Variants in ZFPM2 observed in about 807,000 individuals in gnomAD.
ZFPM2 encodes the protein zinc finger protein, FOG family member 2.
Under a neutral mutation model 98.6 loss-of-function variants are expected in ZFPM2, and 20 were observed. That is an observed-to-expected ratio of 0.20 (90% CI 0.14 to 0.29). ZFPM2 has a LOEUF of 0.29. ZFPM2 is among the 10% of genes least tolerant of loss of function. ZFPM2 has a pLI of 1.00. For synonymous variants in ZFPM2, 518 were observed against 502.7 expected, an observed-to-expected ratio of 1.03 and a Z score of -0.41; for missense variants, 1,310 against 1,388.6, an observed-to-expected ratio of 0.94 and a Z score of 0.90.
chr8:105,617,404 A>G (rs1177736657), intron 4 of ZFPM2, among the ~76,000 whole-genome samples: 1 of 152,134 alleles, frequency 6.6e-6, no homozygotes, highest in Non-Finnish European at 1.5e-5. Flanking sequence ...ACACCAATCT[A>G]ATCTGAGGAA....
chr8:105,507,953 A>G (rs1813737622), intron 3 of ZFPM2, among the ~76,000 whole-genome samples: 3 of 152,184 alleles, frequency 2.0e-5, no homozygotes. Flanking sequence ...AACAAGGTAT[A>G]AATAAAATTT....
intron 4 of ZFPM2, among the ~76,000 whole-genome samples, chr8:105,592,670 G>C (rs544194790): frequency 1.6e-4 from 25 of 152,140 alleles, no homozygotes; most frequent in African/African-American, 5.8e-4. Context: ...TGAAAGAGGA[G>C]GAAGATGTCT....
intron 1 of ZFPM2, among the ~76,000 whole-genome samples, chr8:105,388,171 G>A (rs1811039212): frequency 6.6e-6 from 1 of 152,162 alleles, no homozygotes; most frequent in African/African-American, 2.4e-5. Context: ...AATATTGCAT[G>A]CCAAAATATG....
At chr8:105,572,474 T>TC (rs1258300945) in intron 4 of ZFPM2, among the ~76,000 whole-genome samples, 1 of 152,140 alleles carries the variant, frequency 6.6e-6, no homozygotes, top group Non-Finnish European at 1.5e-5. Context: ...TTAAAGTTGT[T>TC]CTTTTTTTTT....
chr8:105,354,778 C>A (rs1205169239), intron 1 of ZFPM2, among the ~76,000 whole-genome samples: 1 of 151,918 alleles, frequency 6.6e-6, no homozygotes, highest in Non-Finnish European at 1.5e-5. Flanking sequence ...CATGGTGAAA[C>A]CCTGTCTCTA....
intron 4 of ZFPM2, among the ~76,000 whole-genome samples, chr8:105,598,753 A>G (rs1354853490): frequency 2.0e-5 from 3 of 152,136 alleles, no homozygotes; most frequent in Admixed American, 1.3e-4. Context: ...AAAGATAATG[A>G]AGTCCTTTCA....
At chr8:105,649,942 T>A (rs1313274672) in intron 5 of ZFPM2, among the ~76,000 whole-genome samples, 1 of 152,214 alleles carries the variant, frequency 6.6e-6, no homozygotes, top group Non-Finnish European at 1.5e-5. Context: ...ATTGGAATAG[T>A]TTCAGAAAGA....
chr8:105,357,132 A>G (rs1403065706), intron 1 of ZFPM2, among the ~76,000 whole-genome samples: 1 of 152,142 alleles, frequency 6.6e-6, no homozygotes, highest in East Asian at 1.9e-4. Flanking sequence ...CCCAGCACAC[A>G]CACGTGAGTC....
At chr8:105,554,085 T>C (rs1814928057) in intron 3 of ZFPM2, among the ~76,000 whole-genome samples, 1 of 152,228 alleles carries the variant, frequency 6.6e-6, no homozygotes, top group Non-Finnish European at 1.5e-5. Flanking sequence ...GTTGTGACTG[T>C]ATGACTCAAA....
intron 3 of ZFPM2, among the ~76,000 whole-genome samples, chr8:105,457,666 G>A (rs1812618329): frequency 6.6e-6 from 1 of 152,178 alleles, no homozygotes; most frequent in African/African-American, 2.4e-5. Flanking sequence ...ACTTTAAGTT[G>A]TTACTCATAG....
At chr8:105,609,574 A>G (rs185262541) in intron 4 of ZFPM2, among the ~76,000 whole-genome samples, 1 of 152,308 alleles carries the variant, frequency 6.6e-6, no homozygotes, top group Non-Finnish European at 1.5e-5. Context: ...TGCCAAAGTT[A>G]CATGGAAATG....
chr8:105,506,556 G>A (rs1813701697), intron 3 of ZFPM2, among the ~76,000 whole-genome samples: 1 of 151,988 alleles, frequency 6.6e-6, no homozygotes, highest in Non-Finnish European at 1.5e-5. Context: ...TTGTCTTATT[G>A]GTGTCAAAAT....
intron 3 of ZFPM2, among the ~76,000 whole-genome samples, chr8:105,518,011 C>T (rs1316845611): frequency 6.6e-6 from 1 of 152,186 alleles, no homozygotes. Context: ...ATTACCATAG[C>T]ATGGATAATA....
intron 1 of ZFPM2, among the ~76,000 whole-genome samples, chr8:105,390,113 A>G (rs897948732): frequency 3.3e-5 from 5 of 152,096 alleles, no homozygotes; most frequent in Non-Finnish European, 5.9e-5. Flanking sequence ...GACACTAACA[A>G]CCTATAGTTT....
intron 5 of ZFPM2, among the ~76,000 whole-genome samples, chr8:105,767,997 T>C (rs1812892960): frequency 6.6e-6 from 1 of 151,994 alleles, no homozygotes; most frequent in Non-Finnish European, 1.5e-5. Flanking sequence ...TGATTGATCT[T>C]ATAGCAGGCA....
intron 3 of ZFPM2, among the ~76,000 whole-genome samples, chr8:105,469,285 G>A (rs1812852423): frequency 6.6e-6 from 1 of 152,116 alleles, no homozygotes; most frequent in African/African-American, 2.4e-5. Flanking sequence ...TGCTGCTTGT[G>A]ATTAAAAGAA....
chr8:105,562,808 C>T (rs942036957), intron 4 of ZFPM2, among the ~76,000 whole-genome samples: 12 of 152,200 alleles, frequency 7.9e-5, no homozygotes, highest in Admixed American at 1.3e-4. Context: ...TTAACACTCT[C>T]AATTCCATTT....
At chr8:105,355,122 G>A (rs1226303377) in intron 1 of ZFPM2, among the ~76,000 whole-genome samples, 1 of 152,168 alleles carries the variant, frequency 6.6e-6, no homozygotes, top group Non-Finnish European at 1.5e-5. Context: ...GAACAATTCA[G>A]TGTTGTTGTA....
intron 5 of ZFPM2, among the ~76,000 whole-genome samples, chr8:105,747,736 T>C (rs1812380968): frequency 6.6e-6 from 1 of 152,068 alleles, no homozygotes; most frequent in South Asian, 2.1e-4. Context: ...CATGTAAATG[T>C]CTCTGTTAAA....
Sources: gnomAD v4.1 joint callset for allele counts (sites outside exome capture counted in the v4.1 genomes callset) on GRCh38, gnomAD v4.1.1 for gene constraint, MANE v1.5 for transcripts, NCBI Gene and HGNC (gene_info 2026-07-23, HGNC 2026-07-21) for gene names.